Variants in EMP2 observed in about 807,000 individuals in gnomAD.
EMP2 encodes the protein epithelial membrane protein 2.
In EMP2, 19 loss-of-function variants were observed where a neutral mutation model predicts 13.7. The ratio of observed to expected loss-of-function variants is 1.38; its 90% CI spans 0.97 to 2.03. The LOEUF (loss-of-function observed/expected upper bound fraction) is 2.03. EMP2 is among the 30% of genes most tolerant of loss of function. The pLI, the probability that EMP2 is intolerant of heterozygous loss-of-function variation, is 0.00. For missense variants in EMP2, 253 were observed against 220.7 expected (o/e 1.15, Z -0.93); for synonymous variants, 97 against 84.7 (o/e 1.15, Z -0.80).
intron 4 of EMP2, among the ~76,000 whole-genome samples, chr16:10,534,152 C>T (rs1039744862): frequency 3.8e-4 from 57 of 151,972 alleles, no homozygotes; most frequent in Non-Finnish European, 7.2e-4. Context: ...GAAAAGAGAG[C>T]GATGAGGGAG....
At chr16:10,535,868 T>A (rs2050643214) in intron 4 of EMP2, among the ~76,000 whole-genome samples, 1 of 152,164 alleles carries the variant, frequency 6.6e-6, no homozygotes, top group South Asian at 2.1e-4. Flanking sequence ...GAACGCATTC[T>A]CCCTTTAGGC....
At chr16:10,542,060 A>C (rs1224643651) in intron 3 of EMP2, among the ~76,000 whole-genome samples, 1 of 152,190 alleles carries the variant, frequency 6.6e-6, no homozygotes, top group African/African-American at 2.4e-5. Context: ...TTTGGCAAAC[A>C]AACCAAAACA....
In EMP2 at chr16:10,572,511, T is replaced by A. The variant is rs148984189; in HGVS notation, c.-61+8038A>T. Among the ~76,000 whole-genome samples the A allele has an allele frequency of 8.0e-3, 1,209 of 151,976 alleles. 25 individuals carry two copies. The highest frequency in any genetic ancestry group is 0.028 in the African/African-American group (1,150 of 41,442). The stretch of plus-strand genomic sequence containing the variant: ...AGATGATCTTCCATCCACTGCTAGA[T>A]AAATTCCATTACAGGGGCCGAGTCC... On this transcript the variant is annotated intron_variant, in intron 1 of 4. Coordinates refer to ENST00000359543, the MANE Select transcript of EMP2 (RefSeq NM_001424.6).
At chr16:10,548,068 G>C (rs999387170) in intron 1 of EMP2, among the ~76,000 whole-genome samples, 5 of 152,102 alleles carry the variant, frequency 3.3e-5, no homozygotes, top group African/African-American at 1.2e-4. Flanking sequence ...TGGGGTCTTA[G>C]AAAAGCAAAA....
At chr16:10,539,239 T>C (rs143996505) in intron 3 of EMP2, among the ~76,000 whole-genome samples, 2 of 138,996 alleles carry the variant, frequency 1.4e-5, no homozygotes, top group Non-Finnish European at 3.3e-5. Flanking sequence ...ACACCTTCCT[T>C]TTCTTTTTCT....
intron 3 of EMP2, among the ~76,000 whole-genome samples, chr16:10,542,338 C>A (rs948517695): frequency 2.0e-5 from 3 of 152,100 alleles, no homozygotes; most frequent in African/African-American, 7.2e-5. Flanking sequence ...GTCAAGGCTG[C>A]AGTGAGTCGT....
intron 4 of EMP2, among the ~76,000 whole-genome samples, chr16:10,536,064 G>A (rs962337425): frequency 2.0e-5 from 3 of 151,996 alleles, no homozygotes; most frequent in East Asian, 1.9e-4. Flanking sequence ...GTGACCCTCC[G>A]GAGTCTTTTG....
At chr16:10,563,761 G>A (rs916591761) in intron 1 of EMP2, among the ~76,000 whole-genome samples, 3 of 152,228 alleles carry the variant, frequency 2.0e-5, no homozygotes, top group African/African-American at 4.8e-5. Flanking sequence ...ACCACTCAGT[G>A]TCCCTATTTC....
At position 10,532,206 on chromosome 16, in the gene EMP2, G is replaced by C. The variant is rs545952125; in HGVS notation, c.*699C>G. ...TGATTCTGTAGGTCTGGGGTGAGGG[G>C]GGGGGCGCTGTAGGTTTTGCCTAAA... On this transcript the variant is annotated 3_prime_UTR_variant, in exon 5 of 5. Transcript: ENST00000359543. 5.8e-5 allele frequency: 9 copies of C among 154,908 alleles called. No homozygotes were observed. The highest frequency in any genetic ancestry group is 4.1e-4 in the South Asian group (2 of 4,902). 9.6% of individuals were successfully genotyped at this position (154,908 alleles called of 1,614,324 possible). A position where few individuals can be genotyped will look rare whatever the true frequency, so the allele number is the denominator to read the frequency against.
chr16:10,544,914 G>C (rs2050728505), intron 2 of EMP2: 1 of 152,040 alleles, frequency 6.6e-6, no homozygotes, highest in African/African-American at 2.4e-5. Context: ...GCAATGGATG[G>C]GATGACCAGA....
At chr16:10,543,118 T>C (rs2050713510) in intron 3 of EMP2, among the ~76,000 whole-genome samples, 1 of 152,160 alleles carries the variant, frequency 6.6e-6, no homozygotes, top group African/African-American at 2.4e-5. Flanking sequence ...AGTGCTGGGA[T>C]TACAGGCATG....
intron 1 of EMP2, among the ~76,000 whole-genome samples, chr16:10,560,380 C>T: frequency 6.6e-6 from 1 of 152,216 alleles, no homozygotes; most frequent in Admixed American, 6.5e-5. Context: ...ACAGTCCTGT[C>T]AGAAGGACAG....
chr16:10,539,079 T>C (rs1350107989), intron 3 of EMP2, among the ~76,000 whole-genome samples: 2 of 152,010 alleles, frequency 1.3e-5, no homozygotes, highest in African/African-American at 4.8e-5. Context: ...GCTAGGAAGG[T>C]AGAGTAAACT....
intron 2 of EMP2, chr16:10,546,795 C>G (rs2142181892): frequency 6.6e-6 from 1 of 152,342 alleles, no homozygotes; most frequent in African/African-American, 2.4e-5. Flanking sequence ...CACAGGGAGG[C>G]CCCTACAACA....
intron 3 of EMP2, among the ~76,000 whole-genome samples, chr16:10,542,589 A>G (rs1316705940): frequency 6.6e-6 from 1 of 152,200 alleles, no homozygotes; most frequent in Non-Finnish European, 1.5e-5. Context: ...TTATCAGGCA[A>G]CTGGGATCCC....
intron 1 of EMP2, among the ~76,000 whole-genome samples, chr16:10,558,550 G>A (rs890249633): frequency 1.3e-5 from 2 of 151,980 alleles, no homozygotes; most frequent in African/African-American, 4.8e-5. Flanking sequence ...ACAACCTTCT[G>A]GAGGCTCACT....
At chr16:10,549,311 A>C (rs2050764161) in intron 1 of EMP2, among the ~76,000 whole-genome samples, 1 of 152,234 alleles carries the variant, frequency 6.6e-6, no homozygotes, top group Non-Finnish European at 1.5e-5. Flanking sequence ...GATCAGATGA[A>C]AAGCCACTGA....
chr16:10,543,709 A>T, intron 2 of EMP2, 49 bp from the exon 3 acceptor site: 1 of 1,573,878 alleles, frequency 6.4e-7, no homozygotes, highest in African/African-American at 1.3e-5. Context: ...TTCATGATGC[A>T]AACACTGACT....
At chr16:10,533,914 G>C (rs557811539) in intron 4 of EMP2, among the ~76,000 whole-genome samples, 1 of 152,214 alleles carries the variant, frequency 6.6e-6, no homozygotes, top group African/African-American at 2.4e-5. Flanking sequence ...AGTAGTTCCA[G>C]ACCAGCCTGG....
Sources: gnomAD v4.1 joint callset for allele counts (sites outside exome capture counted in the v4.1 genomes callset) on GRCh38, gnomAD v4.1.1 for gene constraint, MANE v1.5 for transcripts, NCBI Gene and HGNC (gene_info 2026-07-23, HGNC 2026-07-21) for gene names.